Variants in MAGI2 observed in about 807,000 individuals in gnomAD.
MAGI2 encodes membrane associated guanylate kinase, WW and PDZ domain containing 2, also known as membrane-associated guanylate kinase, WW and PDZ domain-containing protein 2.
Under a neutral mutation model 133.3 loss-of-function variants are expected in MAGI2, and 35 were observed. That is an observed-to-expected ratio of 0.26 (90% CI 0.20 to 0.35). The LOEUF is 0.35. Among genes scored for constraint, MAGI2 ranks in the 10% least tolerant of loss-of-function variants. The pLI, the probability that MAGI2 is intolerant of heterozygous loss-of-function variation, is 1.00. For missense variants in MAGI2, 1,636 were observed against 1,863.4 expected (o/e 0.88, Z 2.25); for synonymous variants, 729 against 710.6 (o/e 1.03, Z -0.41).
intron 2 of MAGI2, among the ~76,000 whole-genome samples, chr7:79,004,258 A>G (rs1380601079): frequency 6.6e-6 from 1 of 152,198 alleles, no homozygotes; most frequent in African/African-American, 2.4e-5. Context: ...TATATAGATG[A>G]TGGAATACTC....
intron 1 of MAGI2, among the ~76,000 whole-genome samples, chr7:79,338,708 T>G (rs182731323): frequency 6.6e-6 from 1 of 152,198 alleles, no homozygotes; most frequent in Admixed American, 6.6e-5. Context: ...CTAAATATGT[T>G]GTATCCCATG....
intron 1 of MAGI2, among the ~76,000 whole-genome samples, chr7:79,275,359 T>C (rs1469038456): frequency 6.6e-6 from 1 of 152,198 alleles, no homozygotes; most frequent in Non-Finnish European, 1.5e-5. Context: ...AGCCACAACA[T>C]TCTCCTAAGC....
At position 79,153,695 on chromosome 7, in the gene MAGI2, T is replaced by C. The variant is rs1198747291; in HGVS notation, c.302-146489A>G. On this transcript the variant is annotated intron_variant, in intron 1 of 21. Coordinates refer to ENST00000354212, the MANE Select transcript of MAGI2 (RefSeq NM_012301.4). ...CTGACCCTAAGCATAGTGGAAGCCA[T>C]GGCTGGGTTTTTATCACAAGAGTTA... is the stretch of plus-strand genomic sequence containing the variant. 2.0e-5 allele frequency among the ~76,000 whole-genome samples: 3 copies of C among 152,252 alleles called. No individual in the cohort carries two copies. The East Asian group carries it at 5.8e-4, about 30-fold the overall frequency.
chr7:79,085,654 T>G (rs547747760), intron 1 of MAGI2, among the ~76,000 whole-genome samples: 58 of 152,078 alleles, frequency 3.8e-4, no homozygotes, highest in Middle Eastern at 3.4e-3. Context: ...TTGTTTGGTG[T>G]TGTTGTTAGT....
intron 2 of MAGI2, among the ~76,000 whole-genome samples, chr7:78,811,019 A>G (rs1348684717): frequency 6.6e-6 from 1 of 152,018 alleles, no homozygotes; most frequent in Non-Finnish European, 1.5e-5. Flanking sequence ...ATCTTGTAGT[A>G]CTTTGTTTTA....
At chr7:78,304,745 G>A (rs1798112221) in intron 9 of MAGI2, among the ~76,000 whole-genome samples, 1 of 152,150 alleles carries the variant, frequency 6.6e-6, no homozygotes, top group Non-Finnish European at 1.5e-5. Flanking sequence ...AGACGTATTG[G>A]GGGAAGAGTA....
intron 1 of MAGI2, among the ~76,000 whole-genome samples, chr7:79,316,084 C>T (rs1554836): frequency 0.56 from 84,795 of 151,716 alleles, 26,327 homozygotes; most frequent in Non-Finnish European, 0.69. Context: ...GTAAATATAA[C>T]GTAAGCCTCA....
intron 9 of MAGI2, among the ~76,000 whole-genome samples, chr7:78,290,389 A>G (rs1005118218): frequency 2.6e-5 from 4 of 152,248 alleles, no homozygotes; most frequent in African/African-American, 9.6e-5. Context: ...TGCAACAAGA[A>G]GAGCTAACTA....
chr7:78,808,041 G>A (rs1583974726), intron 2 of MAGI2, among the ~76,000 whole-genome samples: 1 of 152,042 alleles, frequency 6.6e-6, no homozygotes, highest in African/African-American at 2.4e-5. Context: ...ACATAGTTTC[G>A]GGTCTTGAGC....
chr7:79,246,252 T>C (rs567090494), intron 1 of MAGI2, among the ~76,000 whole-genome samples: 2 of 151,802 alleles, frequency 1.3e-5, no homozygotes, highest in South Asian at 4.2e-4. Context: ...ACAACGAATA[T>C]CCACAAGCAT....
intron 1 of MAGI2, among the ~76,000 whole-genome samples, chr7:79,045,124 C>G (rs1386022876): frequency 6.6e-6 from 1 of 152,114 alleles, no homozygotes; most frequent in East Asian, 1.9e-4. Flanking sequence ...GAAAATGAAA[C>G]TATACTCAAG....
At chr7:78,934,346 A>C (rs1426138208) in intron 2 of MAGI2, among the ~76,000 whole-genome samples, 1 of 152,106 alleles carries the variant, frequency 6.6e-6, no homozygotes, top group East Asian at 1.9e-4. Flanking sequence ...TCAGTTGATC[A>C]GCCTGCCTCA....
intron 1 of MAGI2, among the ~76,000 whole-genome samples, chr7:79,189,905 C>G (rs1303130816): frequency 6.6e-6 from 1 of 151,688 alleles, no homozygotes; most frequent in Admixed American, 6.6e-5. Context: ...TCTTCTTTTA[C>G]TTAGTAATAT....
At chr7:78,818,176 G>C (rs1789775418) in intron 2 of MAGI2, among the ~76,000 whole-genome samples, 1 of 152,122 alleles carries the variant, frequency 6.6e-6, no homozygotes, top group South Asian at 2.1e-4. Flanking sequence ...CCAACTCTTT[G>C]TGAAGCTTTG....
At chr7:79,154,610 T>G (rs573972922) in intron 1 of MAGI2, among the ~76,000 whole-genome samples, 10 of 152,288 alleles carry the variant, frequency 6.6e-5, no homozygotes, top group African/African-American at 2.4e-4. Flanking sequence ...GAGATTTAAA[T>G]GCCAGACCAT....
chr7:78,471,766 A>G (rs1455118722), intron 6 of MAGI2, among the ~76,000 whole-genome samples: 4 of 152,044 alleles, frequency 2.6e-5, no homozygotes, highest in Non-Finnish European at 5.9e-5. Context: ...GTCTACTAAA[A>G]ATACAAAAAT....
chr7:78,957,081 G>C (rs958152868), intron 2 of MAGI2, among the ~76,000 whole-genome samples: 1 of 151,736 alleles, frequency 6.6e-6, no homozygotes, highest in Non-Finnish European at 1.5e-5. Flanking sequence ...CTGACCAACA[G>C]GGTGAAACCC....
intron 6 of MAGI2, among the ~76,000 whole-genome samples, chr7:78,461,385 TGTGTGTGC>T (rs1460175251): frequency 9.1e-5 from 11 of 121,052 alleles, no homozygotes; most frequent in African/African-American, 3.6e-4. Flanking sequence ...CCTGGACACG[TGTGTGTGC>T]GTGTGTGTGT....
chr7:79,331,660 T>C (rs1015030581), intron 1 of MAGI2, among the ~76,000 whole-genome samples: 1 of 152,200 alleles, frequency 6.6e-6, no homozygotes, highest in African/African-American at 2.4e-5. Flanking sequence ...CAATGATTCA[T>C]GGATCTTTTG....
Sources: allele counts gnomAD v4.1 joint callset (sites outside exome capture counted in the v4.1 genomes callset), GRCh38; gene constraint gnomAD v4.1.1; transcripts MANE v1.5; gene names NCBI Gene and HGNC (gene_info 2026-07-23, HGNC 2026-07-21).